The following ACOX2 variants were observed in gnomAD, a reference collection of about 807,000 sequenced individuals.
The protein encoded by ACOX2 is peroxisomal acyl-coenzyme A oxidase 2.
A neutral mutation model predicts 77.5 loss-of-function variants in ACOX2; 59 were observed. The observed-to-expected ratio is 0.76, with a 90% CI of 0.62 to 0.95. The LOEUF is 0.95. ACOX2 is among the 40% of genes least tolerant of loss of function. ACOX2 has a pLI of 0.00. For synonymous variants in ACOX2, 317 were observed against 340.1 expected, an observed-to-expected ratio of 0.93 and a Z score of 0.75; for missense variants, 837 against 880.4, an observed-to-expected ratio of 0.95 and a Z score of 0.62.
Position 58,508,796 on chromosome 3 carries a change from C to T in ACOX2, c.1983+97G>A. ...ACGTGCTACGCCAAGTGATTGCCAA[C>T]CTAACGGGAATCAATTAAAATGGGA... is the stretch of plus-strand genomic sequence containing the variant. On this transcript the variant is annotated intron_variant, in intron 14 of 14. Coordinates refer to ENST00000302819, the MANE Select transcript of ACOX2 (RefSeq NM_003500.4). 6.0e-6 allele frequency: 9 copies of T among 1,491,784 alleles called. No individual in the cohort carries two copies. The South Asian group carries it at 1.0e-4, about 17-fold the overall frequency. The allele number at this position is 1,491,784 out of a possible 1,614,324, so 92.4% of individuals were successfully genotyped here.
At chr3:58,532,918 T>C (rs2063451719) in intron 5 of ACOX2, among the ~76,000 whole-genome samples, 1 of 152,164 alleles carries the variant, frequency 6.6e-6, no homozygotes, top group African/African-American at 2.4e-5. Context: ...CAGGGACGCT[T>C]GATGTGGCCG....
intron 13 of ACOX2, chr3:58,511,391 G>T: frequency 3.3e-6 from 1 of 302,376 alleles, no homozygotes; most frequent in Non-Finnish European, 6.6e-6. Context: ...TTATCATGAA[G>T]GACATTGATG....
Position 58,514,712 on chromosome 3 carries a change from TG to T in ACOX2, c.1850+2493del, listed in dbSNP as rs1271493144. Among the ~76,000 whole-genome samples, 1 of 152,230 alleles carries T rather than the reference TG, an allele frequency of 6.6e-6. No homozygotes were observed. Among genetic ancestry groups the T allele is most frequent in the Non-Finnish European group, 1.5e-5 (1 of 68,024 alleles). ...CTGGGCTGTCTGTCTTGTCTTGAATTGTAAGTTTCTGGAGCCAAGGCAAGCA... is the reference window on the plus strand; with the variant it reads ...CTGGGCTGTCTGTCTTGTCTTGAATTTAAGTTTCTGGAGCCAAGGCAAGCA... On this transcript the variant is annotated intron_variant, in intron 13 of 14. Transcript: ENST00000302819. This position sits in a 1 kb window ranked among gnomAD's most constrained non-coding sequence, Gnocchi z 4.3.
chr3:58,524,726 G>T lies in ACOX2; in HGVS notation c.1347-121C>A, dbSNP rs1016061901. 46 of 1,142,332 alleles carry T rather than the reference G, an allele frequency of 4.0e-5. No individual in the cohort carries two copies. The African/African-American group carries it at 6.6e-4, about 16-fold the overall frequency. The allele number at this position is 1,142,332 out of a possible 1,614,324, so 70.8% of individuals were successfully genotyped here. On this transcript the variant is annotated intron_variant, in intron 10 of 14. Coordinates refer to ENST00000302819, the MANE Select transcript of ACOX2 (RefSeq NM_003500.4). The surrounding 1 kb of genome is among the most constrained non-coding windows in gnomAD (Gnocchi z 5.5). ...TCCAGCCTTCCCGTGGGAGAGCCAG[G>T]TCACCAGGCCTCTGCCTGGCCTCCC... is the stretch of plus-strand genomic sequence containing the variant.
intron 12 of ACOX2, among the ~76,000 whole-genome samples, 192 bp from the exon 13 acceptor site, chr3:58,517,615 G>C (rs545365995): frequency 4.2e-5 from 6 of 143,630 alleles, no homozygotes; most frequent in South Asian, 2.3e-4. Flanking sequence ...GTGTGTGTTG[G>C]GGGGGGGAGC....
At chr3:58,510,657 AAAAAAAAT>A (rs2063274002) in intron 13 of ACOX2, among the ~76,000 whole-genome samples, 2 of 33,894 alleles carry the variant, frequency 5.9e-5, no homozygotes, top group African/African-American at 2.5e-4. Context: ...AAAAAAAAAA[AAAAAAAAT>A]ATATATATAT....
At chr3:58,507,498 G>A (rs2107983011) in intron 14 of ACOX2, among the ~76,000 whole-genome samples, 1 of 152,320 alleles carries the variant, frequency 6.6e-6, no homozygotes, top group East Asian at 1.9e-4. Context: ...AGAGAAACCA[G>A]AATGTTTCCT....
chr3:58,523,184 C>G lies in ACOX2; in HGVS notation c.1527-583G>C, dbSNP rs953874615. ...CTATTCCCTGCCCATCCATCCATGA[C>G]CCTTAGAATTTGTGTGTAAAGCAAA... On this transcript the variant is annotated intron_variant, in intron 11 of 14. Coordinates refer to ENST00000302819, the MANE Select transcript of ACOX2 (RefSeq NM_003500.4). This position sits in a 1 kb window ranked among gnomAD's most constrained non-coding sequence, Gnocchi z 5.3. Among the ~76,000 whole-genome samples the G allele has an allele frequency of 1.3e-5, 2 of 152,188 alleles. No homozygotes were observed. The highest frequency in any genetic ancestry group is 4.8e-5 in the African/African-American group (2 of 41,422).
chr3:58,522,049 A>G lies in ACOX2; in HGVS notation c.1632+447T>C, dbSNP rs1033096162. ...ATTTCCCTGTCATGGTGCTTCCTTG[A>G]TTGTAGCCGTGCATGGGCAGTGGCT... On this transcript the variant is annotated intron_variant, in intron 12 of 14. Coordinates refer to ENST00000302819, the MANE Select transcript of ACOX2 (RefSeq NM_003500.4). This position sits in a 1 kb window ranked among gnomAD's most constrained non-coding sequence, Gnocchi z 4.3. 6.6e-6 allele frequency among the ~76,000 whole-genome samples: 1 copy of G among 152,166 alleles called. No individual in the cohort carries two copies. Among genetic ancestry groups the G allele is most frequent in the Non-Finnish European group, 1.5e-5 (1 of 68,030 alleles).
In ACOX2 at chr3:58,534,701, G is replaced by A; in HGVS notation, c.161-179C>T. 2.7e-6 allele frequency: 4 copies of A among 1,455,554 alleles called. No individual in the cohort carries two copies. The highest frequency in any genetic ancestry group is 3.7e-6 in the Non-Finnish European group (4 of 1,070,324). The allele number at this position is 1,455,554 out of a possible 1,614,324, so 90.2% of individuals were successfully genotyped here. A position where few individuals can be genotyped will look rare whatever the true frequency, so the allele number is the denominator to read the frequency against. ...GAATTGCCCAAGGTTACAAAGCTAT[G>A]CAGTGGCAGAATTTTAGGACCAGAA... On this transcript the variant is annotated intron_variant, in intron 2 of 14. Transcript: ENST00000302819. The surrounding 1 kb of genome is among the most constrained non-coding windows in gnomAD (Gnocchi z 4.8).
intron 13 of ACOX2, among the ~76,000 whole-genome samples, 179 bp downstream of exon 13, chr3:58,517,027 T>C (rs1327052255): frequency 6.6e-6 from 1 of 152,182 alleles, no homozygotes; most frequent in Non-Finnish European, 1.5e-5. Context: ...TTTTTTCCCA[T>C]TTTTTTCTTT....
At chr3:58,508,870 T>C (rs1260956508) in intron 14 of ACOX2, 23 bp downstream of exon 14, 5 of 1,612,702 alleles carry the variant, frequency 3.1e-6, no homozygotes, top group Non-Finnish European at 4.2e-6. Flanking sequence ...TTACATAATT[T>C]ATAATGTGTT....
chr3:58,533,144 G>GTGTGTGTGTT lies in ACOX2; in HGVS notation c.583+291_583+300dup, dbSNP rs1274777765. On this transcript the variant is annotated intron_variant, in intron 5 of 14. Transcript: ENST00000302819. The surrounding 1 kb of genome is among the most constrained non-coding windows in gnomAD (Gnocchi z 5.6). ...TGAGGAGTGCCTAGGACTAGACCAA[G>GTGTGTGTGTT]TGTGTGTGTTTGTGCGTGTGTGTGT... Among the ~76,000 whole-genome samples, 1 of 152,014 alleles carries GTGTGTGTGTT rather than the reference G, an allele frequency of 6.6e-6. No individual in the cohort carries two copies. The highest frequency in any genetic ancestry group is 1.5e-5 in the Non-Finnish European group (1 of 67,894).
Position 58,515,854 on chromosome 3 carries a change from T to C in ACOX2, c.1850+1352A>G, listed in dbSNP as rs559620835. Among the ~76,000 whole-genome samples the C allele has an allele frequency of 1.7e-4, 26 of 152,260 alleles. No homozygotes were observed. Among genetic ancestry groups the C allele is most frequent in the Admixed American group, 1.5e-3 (23 of 15,286 alleles). On this transcript the variant is annotated intron_variant, in intron 13 of 14. Transcript: ENST00000302819. The surrounding 1 kb of genome is among the most constrained non-coding windows in gnomAD (Gnocchi z 4.0). ...GTGCAGTGGTGTGATCATAGCTTAC[T>C]GCAACCTCAACCTCCTGGGATCAAT...
intron 9 of ACOX2, among the ~76,000 whole-genome samples, chr3:58,527,163 G>GTA (rs1411051149): frequency 6.6e-6 from 1 of 152,096 alleles, no homozygotes; most frequent in East Asian, 1.9e-4. Context: ...TATTATGATG[G>GTA]TAGTAGGAGT....
Position 58,534,658 on chromosome 3 carries a change from G to A in ACOX2, c.161-136C>T. On this transcript the variant is annotated intron_variant, in intron 2 of 14. Transcript: ENST00000302819. This position sits in a 1 kb window ranked among gnomAD's most constrained non-coding sequence, Gnocchi z 4.8. The stretch of plus-strand genomic sequence containing the variant: ...GTTATTTTACAGATGACAAAACTGA[G>A]GACCAAGGTGGGAAAGTGAATTGCC... 1 of 1,544,488 alleles carries A rather than the reference G, an allele frequency of 6.5e-7. No individual in the cohort carries two copies. Among genetic ancestry groups the A allele is most frequent in the Non-Finnish European group, 8.7e-7 (1 of 1,145,590 alleles).
chr3:58,525,842 G>A lies in ACOX2; in HGVS notation c.1346+624C>T, dbSNP rs2063390068. ...GTTGGAGAGCAGCCTGGCCAACATG[G>A]TGAAACCCCATCTCTACTAAAAATA... On this transcript the variant is annotated intron_variant, in intron 10 of 14. Coordinates refer to ENST00000302819, the MANE Select transcript of ACOX2 (RefSeq NM_003500.4). This position sits in a 1 kb window ranked among gnomAD's most constrained non-coding sequence, Gnocchi z 5.0. Among the ~76,000 whole-genome samples the A allele has an allele frequency of 6.6e-6, 1 of 152,102 alleles. No individual in the cohort carries two copies. Among genetic ancestry groups the A allele is most frequent in the South Asian group, 2.1e-4 (1 of 4,822 alleles).
chr3:58,506,392 G>A (rs1427028743), intron 14 of ACOX2, among the ~76,000 whole-genome samples: 2 of 152,200 alleles, frequency 1.3e-5, no homozygotes, highest in African/African-American at 4.8e-5. Context: ...ATTCTAAGAT[G>A]TTTACCTTAG....
Position 58,533,641 on chromosome 3 carries a change from A to T in ACOX2, c.476-89T>A. The T allele has an allele frequency of 8.1e-7, 1 of 1,228,066 alleles. No homozygotes were observed. Among genetic ancestry groups the T allele is most frequent in the Non-Finnish European group, 1.2e-6 (1 of 839,144 alleles). The allele number at this position is 1,228,066 out of a possible 1,614,324, so 76.1% of individuals were successfully genotyped here. A position where few individuals can be genotyped will look rare whatever the true frequency, so the allele number is the denominator to read the frequency against. Reference sequence around the variant, plus strand: ...TCTAGGTGGGTCTGAACTCTTAGGCATCAGCGCAGTATGGAGTGGGGCCCA... The same window carrying T: ...TCTAGGTGGGTCTGAACTCTTAGGCTTCAGCGCAGTATGGAGTGGGGCCCA... On this transcript the variant is annotated intron_variant, in intron 4 of 14. Transcript: ENST00000302819. The surrounding 1 kb of genome is among the most constrained non-coding windows in gnomAD (Gnocchi z 5.6).
Sources: gnomAD v4.1 joint callset for allele counts (sites outside exome capture counted in the v4.1 genomes callset) on GRCh38, gnomAD v4.1.1 for gene constraint, Gnocchi (gnomAD v3.1) non-coding constraint, MANE v1.5 for transcripts, NCBI Gene and HGNC (gene_info 2026-07-23, HGNC 2026-07-21) for gene names.